The following RNF24 variants were observed in gnomAD, a reference collection of about 807,000 sequenced individuals.
RNF24 encodes ring finger protein 24.
In RNF24, 14 loss-of-function variants were observed where a neutral mutation model predicts 20.0. The observed-to-expected ratio is 0.70, with a 90% CI of 0.46 to 1.10. The LOEUF (loss-of-function observed/expected upper bound fraction) is 1.10, where lower values mean the gene tolerates loss of function less well. RNF24 is among the 50% of genes least tolerant of loss of function. The probability of loss-of-function intolerance (pLI) is 0.00; values close to 1 mark genes in which losing one functional copy is unlikely to be tolerated. For synonymous variants in RNF24, 45 were observed against 61.1 expected (o/e 0.74, Z 1.23); for missense variants, 124 against 177.6 (o/e 0.70, Z 1.71).
chr20:3,995,799 A>G (rs1045315463), intron 1 of RNF24, among the ~76,000 whole-genome samples: 6 of 152,112 alleles, frequency 3.9e-5, no homozygotes, highest in Non-Finnish European at 5.9e-5. Flanking sequence ...ATGTTATTTC[A>G]ATATTTGGGG....
At chr20:3,962,697 C>G (rs2091215776) in intron 2 of RNF24, among the ~76,000 whole-genome samples, 1 of 151,368 alleles carries the variant, frequency 6.6e-6, no homozygotes, top group Non-Finnish European at 1.5e-5. Context: ...TGTCCTAGAA[C>G]ACTGTGATCA....
chr20:3,945,130 C>G (rs773994617), intron 4 of RNF24, 47 bp downstream of exon 4: 1 of 1,589,100 alleles, frequency 6.3e-7, no homozygotes, highest in Non-Finnish European at 8.6e-7. Flanking sequence ...CAGCATACCA[C>G]TGCTACTAGA....
chr20:3,986,759 C>G, intron 1 of RNF24, among the ~76,000 whole-genome samples: 1 of 151,824 alleles, frequency 6.6e-6, no homozygotes, highest in East Asian at 1.9e-4. Flanking sequence ...GCAAATTTTC[C>G]TGCCTTAGCC....
chr20:3,992,463 G>A (rs1273598582), intron 1 of RNF24, among the ~76,000 whole-genome samples: 2 of 150,738 alleles, frequency 1.3e-5, no homozygotes, highest in African/African-American at 4.9e-5. Context: ...TACAAACTTG[G>A]ATGTAAAACA....
intron 1 of RNF24, among the ~76,000 whole-genome samples, 155 bp from the exon 2 acceptor site, chr20:3,964,179 A>T (rs1433155730): frequency 6.6e-6 from 1 of 152,244 alleles, no homozygotes; most frequent in Non-Finnish European, 1.5e-5. Context: ...TTCATTCACC[A>T]TGCCAAATAT....
At chr20:3,966,788 C>T (rs1214397143) in intron 1 of RNF24, among the ~76,000 whole-genome samples, 1 of 152,108 alleles carries the variant, frequency 6.6e-6, no homozygotes, top group Non-Finnish European at 1.5e-5. Context: ...GAAATTGGTA[C>T]AATTCTTGTA....
At chr20:3,974,141 T>G (rs1319789208) in intron 1 of RNF24, among the ~76,000 whole-genome samples, 2 of 148,136 alleles carry the variant, frequency 1.4e-5, no homozygotes, top group African/African-American at 2.5e-5. Flanking sequence ...ATTAACTGAT[T>G]TAAAAAAAAC....
chr20:4,009,748 G>A (rs1462885290), intron 1 of RNF24, among the ~76,000 whole-genome samples: 1 of 152,066 alleles, frequency 6.6e-6, no homozygotes, highest in Non-Finnish European at 1.5e-5. Flanking sequence ...TTTTGGTCAT[G>A]AATCTGAAGT....
chr20:3,943,402 G>T (rs957532646), intron 4 of RNF24, among the ~76,000 whole-genome samples: 1 of 151,858 alleles, frequency 6.6e-6, no homozygotes, highest in African/African-American at 2.4e-5. Context: ...AAAGAATGAG[G>T]TTGGAAGAAT....
intron 2 of RNF24, 60 bp downstream of exon 2, chr20:3,963,815 G>T: frequency 1.4e-6 from 2 of 1,396,394 alleles, no homozygotes; most frequent in Non-Finnish European, 1.9e-6. Flanking sequence ...TCTGAGGACA[G>T]AAACTTGATT....
In RNF24 at chr20:3,932,908, T is replaced by C. The variant is rs774445529; in HGVS notation, c.*1155A>G. On this transcript the variant is annotated 3_prime_UTR_variant, in exon 6 of 6. Transcript: ENST00000358395. ...TTCTCTCCTATAAAGACACTTTCAC[T>C]TTCAGTTTCGGAAGTCCAAATACTG... is the stretch of plus-strand genomic sequence containing the variant. 4.3e-5 allele frequency: 17 copies of C among 398,484 alleles called. No homozygotes were observed. Among genetic ancestry groups the C allele is most frequent in the African/African-American group, 8.2e-5 (4 of 48,622 alleles). 24.7% of individuals were successfully genotyped at this position (398,484 alleles called of 1,614,324 possible). A position where few individuals can be genotyped will look rare whatever the true frequency, so the allele number is the denominator to read the frequency against.
At chr20:3,977,908 A>G (rs1356855724) in intron 1 of RNF24, among the ~76,000 whole-genome samples, 1 of 151,672 alleles carries the variant, frequency 6.6e-6, no homozygotes, top group Non-Finnish European at 1.5e-5. Context: ...GATTTGGCAC[A>G]CACACAAAAA....
intron 2 of RNF24, among the ~76,000 whole-genome samples, chr20:3,954,353 T>G (rs986140735): frequency 2.0e-5 from 3 of 152,254 alleles, no homozygotes; most frequent in African/African-American, 7.2e-5. Flanking sequence ...TGGCCTTTTG[T>G]GTATGGCTTT....
chr20:3,952,222 C>T (rs947573821), intron 2 of RNF24, among the ~76,000 whole-genome samples: 27 of 151,792 alleles, frequency 1.8e-4, no homozygotes, highest in African/African-American at 6.0e-4. Context: ...TGAGGAAGAA[C>T]TGACATCTTT....
Position 3,929,072 on chromosome 20 carries a change from CTT to C in RNF24, c.*4989_*4990del, listed in dbSNP as rs1311705717. ...ATATTGGTCAGGCTGGTCTTGAACT[CTT>C]GACCTAAGGTGATCCGCCTGCCTCG... is the stretch of plus-strand genomic sequence containing the variant. On this transcript the variant is annotated 3_prime_UTR_variant, in exon 6 of 6. Transcript: ENST00000358395. The C allele has an allele frequency of 6.6e-6, 1 of 152,152 alleles. No homozygotes were observed. Among genetic ancestry groups the C allele is most frequent in the Admixed American group, 6.5e-5 (1 of 15,278 alleles). 9.4% of individuals were successfully genotyped at this position (152,152 alleles called of 1,614,324 possible). A position where few individuals can be genotyped will look rare whatever the true frequency, so the allele number is the denominator to read the frequency against.
chr20:3,934,886 C>A lies in RNF24; in HGVS notation c.308+108G>T. ...GCTGTCAGCTTTCTGCATTACAGAC[C>A]AATCATGAAGCCATCAAGCTTGTCT... On this transcript the variant is annotated intron_variant, in intron 5 of 5. Transcript: ENST00000358395. The surrounding 1 kb of genome is among the most constrained non-coding windows in gnomAD (Gnocchi z 4.0). The A allele has an allele frequency of 3.7e-6, 3 of 819,544 alleles. No homozygotes were observed. The highest frequency in any genetic ancestry group is 2.9e-5 in the South Asian group (2 of 68,372). 50.8% of individuals were successfully genotyped at this position (819,544 alleles called of 1,614,324 possible). A position where few individuals can be genotyped will look rare whatever the true frequency, so the allele number is the denominator to read the frequency against.
At chr20:3,946,061 CTGTA>C (rs2146957639) in intron 3 of RNF24, among the ~76,000 whole-genome samples, 1 of 152,310 alleles carries the variant, frequency 6.6e-6, no homozygotes. Flanking sequence ...ATCAAATTTA[CTGTA>C]TGTCTTGTGA....
chr20:3,963,171 T>C (rs951562816), intron 2 of RNF24, among the ~76,000 whole-genome samples: 1 of 152,178 alleles, frequency 6.6e-6, no homozygotes, highest in Non-Finnish European at 1.5e-5. Flanking sequence ...CTATGAGATA[T>C]AAGGAGCATC....
chr20:3,934,344 T>A lies in RNF24; in HGVS notation c.309-143A>T. 1.3e-6 allele frequency: 1 copy of A among 752,802 alleles called. No individual in the cohort carries two copies. The highest frequency in any genetic ancestry group is 2.0e-6 in the Non-Finnish European group (1 of 498,620). The allele number at this position is 752,802 out of a possible 1,614,324, so 46.6% of individuals were successfully genotyped here. ...TCCCCTCCTAGGTGGTGAACGGATG[T>A]CACCCCCTGGAGAGAGGGAAGAGAC... On this transcript the variant is annotated intron_variant, in intron 5 of 5. Transcript: ENST00000358395. This position sits in a 1 kb window ranked among gnomAD's most constrained non-coding sequence, Gnocchi z 4.0.
Sources: allele counts gnomAD v4.1 joint callset (sites outside exome capture counted in the v4.1 genomes callset), GRCh38; gene constraint gnomAD v4.1.1; non-coding constraint Gnocchi (gnomAD v3.1); transcripts MANE v1.5; gene names NCBI Gene and HGNC (gene_info 2026-07-23, HGNC 2026-07-21).